The following NTRK1 variants were observed in gnomAD, a reference collection of about 807,000 sequenced individuals.
NTRK1 encodes the protein neurotrophic receptor tyrosine kinase 1, also known as high affinity nerve growth factor receptor.
NTRK1 carries 62 observed loss-of-function variants against 86.8 expected under a neutral mutation model. The observed-to-expected ratio is 0.71, with a 90% CI of 0.58 to 0.88. NTRK1 has a LOEUF of 0.88. Ranked by LOEUF, NTRK1 falls within the 40% of genes least tolerant of loss-of-function variation. The pLI, the probability that NTRK1 is intolerant of heterozygous loss-of-function variation, is 0.00. For synonymous variants in NTRK1, 469 were observed against 456.6 expected (o/e 1.03, Z -0.35); for missense variants, 967 against 1,078.4 (o/e 0.90, Z 1.45).
chr1:156,871,772 G>A lies in NTRK1; in HGVS notation c.850+17G>A, dbSNP rs1444246053. 1 of 1,613,966 alleles carries A rather than the reference G, an allele frequency of 6.2e-7. No homozygotes were observed. The highest frequency in any genetic ancestry group is 1.3e-5 in the African/African-American group (1 of 74,908). ...ACGTCTCCTGTGAGTCTCAGTGGCA[G>A]CTCCGGCACCCACCCCCTACTCATC... is the stretch of plus-strand genomic sequence containing the variant. On this transcript the variant is annotated intron_variant, in intron 7 of 16. Transcript: ENST00000524377.
chr1:156,842,335 G>A, intron 2 of NTRK1: 1 of 1,612,708 alleles, frequency 6.2e-7, no homozygotes, highest in Non-Finnish European at 8.5e-7. Context: ...TCCAGAACTG[G>A]CCCCCACCTC....
chr1:156,842,125 G>T (rs1654817130), exon 2 of NTRK1: 1 of 1,613,894 alleles, frequency 6.2e-7, no homozygotes, highest in African/African-American at 1.3e-5. Flanking sequence ...CGATCTTGAC[G>T]GTGAAGTCCT....
upstream of NTRK1, among the ~76,000 whole-genome samples, chr1:156,856,877 G>T (rs1655422926): frequency 6.6e-6 from 1 of 152,078 alleles, no homozygotes; most frequent in South Asian, 2.1e-4. Flanking sequence ...GGACTCTCTT[G>T]CTCCCAAGAG....
At chr1:156,862,501 G>C (rs942068888) in intron 1 of NTRK1, among the ~76,000 whole-genome samples, 1 of 152,136 alleles carries the variant, frequency 6.6e-6, no homozygotes, top group African/African-American at 2.4e-5. Context: ...GGAGTGGTAG[G>C]GGGAGTGGAC....
At chr1:156,851,507 GGGGCCCC>G in intron 2 of NTRK1, 1 of 1,604,512 alleles carries the variant, frequency 6.2e-7, no homozygotes. Flanking sequence ...GGGCTGAATG[GGGGCCCC>G]GGGAAGGTGG....
At chr1:156,861,365 G>T (rs1180444117) in intron 1 of NTRK1, among the ~76,000 whole-genome samples, 5 of 152,238 alleles carry the variant, frequency 3.3e-5, no homozygotes, top group Non-Finnish European at 1.5e-5. Flanking sequence ...GTTCAGGGCA[G>T]CTGGGCCGCC....
rs1272908877 is a variant in NTRK1, at chr1:156,866,962, C to T, written c.412C>T (p.Leu138Phe). ...ESLSWKTVQG[L>F]SLQELVLSGN... is the part of the protein sequence containing the mutation. ...TCTCTCCTGGAAAACTGTGCAGGGC[C>T]TCTCCTTACAGGAACTGTGAGTGGG... Residue 138 changes from leucine (L) to phenylalanine (F), a missense_variant, in exon 4 of 17, where the codon CTC becomes TTC. Physicochemically the swap from Leu to Phe is conservative, Grantham distance 22. Coordinates refer to ENST00000524377, the MANE Select transcript of NTRK1 (RefSeq NM_002529.4). 4 of 1,614,130 alleles carry T rather than the reference C, an allele frequency of 2.5e-6. No homozygotes were observed. The highest frequency in any genetic ancestry group is 3.3e-5 in the Admixed American group (2 of 60,012).
At chr1:156,880,719 G>A (rs531996943) in intron 16 of NTRK1, among the ~76,000 whole-genome samples, 2 of 152,200 alleles carry the variant, frequency 1.3e-5, no homozygotes, top group Non-Finnish European at 2.9e-5. Flanking sequence ...CTGGTGGGGT[G>A]GGGGAGAGGG....
At chr1:156,835,023 C>CTTGG (rs1333713967) in intron 1 of NTRK1, among the ~76,000 whole-genome samples, 1 of 152,116 alleles carries the variant, frequency 6.6e-6, no homozygotes, top group African/African-American at 2.4e-5. Flanking sequence ...GGAACCCAGA[C>CTTGG]TTGGGAGTTT....
intron 2 of NTRK1, among the ~76,000 whole-genome samples, chr1:156,843,663 A>T (rs1654883888): frequency 6.6e-6 from 1 of 152,198 alleles, no homozygotes; most frequent in Non-Finnish European, 1.5e-5. Flanking sequence ...TATTCCTGGG[A>T]TCTAACAGGG....
rs6335 is a variant in NTRK1 at position 156,876,495 on chromosome 1, C to A, written c.1728C>A (p.Phe576Leu). The A allele has an allele frequency of 6.2e-7, 1 of 1,613,746 alleles. No individual in the cohort carries two copies. ...MLQHQHIVRFFGVCTEGRPLL... is the reference protein window; with the variant it reads ...MLQHQHIVRFLGVCTEGRPLL... ...AGCACCAGCACATCGTGCGCTTCTT[C>A]GGCGTCTGCACCGAGGGCCGCCCCC... The change falls in exon 14 of 17, where the codon TTC becomes TTA. Residue 576 changes from phenylalanine to leucine, a missense_variant. Physicochemically the swap from Phe to Leu is conservative, Grantham distance 22 (BLOSUM62 0). This residue lies in a region of NTRK1 where 637 missense variants were observed against 776.5 expected (regional missense o/e 0.82). Coordinates refer to ENST00000524377, the MANE Select transcript of NTRK1 (RefSeq NM_002529.4).
chr1:156,854,458 C>T lies in NTRK1; in HGVS notation c.51-9896C>T, dbSNP rs140212669. ...GTGGGGTGGCCTCCTTCCTGGGCCC[C>T]GGAGGGCTCACCTGCAGCCTGCAGG... On this transcript the variant is annotated intron_variant, in intron 2 of 16. Transcript: ENST00000392302. This position sits in a 1 kb window ranked among gnomAD's most constrained non-coding sequence, Gnocchi z 4.2. 1.3e-4 allele frequency among the ~76,000 whole-genome samples: 20 copies of T among 152,266 alleles called. No individual in the cohort carries two copies. The East Asian group carries it at 2.9e-3, about 22-fold the overall frequency.
intron 14 of NTRK1, among the ~76,000 whole-genome samples, chr1:156,878,209 G>A (rs1648037737): frequency 6.6e-6 from 1 of 152,160 alleles, no homozygotes. Context: ...CCCTCTGCCT[G>A]GGGCATTGGG....
intron 2 of NTRK1, chr1:156,845,177 T>C (rs1348613805): frequency 1.9e-6 from 3 of 1,610,768 alleles, no homozygotes. Flanking sequence ...TTCCGTGAAG[T>C]GGCGCAGGCC....
At chr1:156,870,146 T>A (rs1647471366) in intron 6 of NTRK1, among the ~76,000 whole-genome samples, 1 of 152,252 alleles carries the variant, frequency 6.6e-6, no homozygotes, top group South Asian at 2.1e-4. Context: ...TACCCCTGCA[T>A]GGAGAGACCT....
At position 156,877,220 on chromosome 1, in the gene NTRK1, G is replaced by A. The variant is rs145096605; in HGVS notation, c.1805+648G>A. Among the ~76,000 whole-genome samples, 681 of 152,102 alleles carry A rather than the reference G, an allele frequency of 4.5e-3. 2 individuals are homozygous for A. Among genetic ancestry groups the A allele is most frequent in the Non-Finnish European group, 7.4e-3 (501 of 68,004 alleles). On this transcript the variant is annotated intron_variant, in intron 14 of 16. Coordinates refer to ENST00000524377, the MANE Select transcript of NTRK1 (RefSeq NM_002529.4). ...GTTCTTATTATGGTTCTATGTGCTG[G>A]TACATATATATCTTGTATAGTAATA...
chr1:156,861,297 C>T, intron 1 of NTRK1, 151 bp downstream of exon 1: 2 of 878,972 alleles, frequency 2.3e-6, no homozygotes, highest in Non-Finnish European at 3.2e-6. Context: ...CCGGGCGTTC[C>T]TCCGCAGCCG....
At chr1:156,849,626 T>G (rs1317294412) in intron 2 of NTRK1, among the ~76,000 whole-genome samples, 2 of 152,210 alleles carry the variant, frequency 1.3e-5, no homozygotes, top group Non-Finnish European at 2.9e-5. Context: ...ATACCCACTC[T>G]GTGCCACTGA....
chr1:156,864,761 G>C lies in NTRK1; in HGVS notation c.321G>C (p.Ala107=). ...TGAAGAGTGGTCTCCGTTTCGTGGC[G>C]CCAGATGCCTTCCATTTCACTCCTC... The part of the protein sequence containing the change: ...TIVKSGLRFV[A]PDAFHFTPRL... The change falls in exon 3 of 17, where the codon GCG becomes GCC. Residue 107 remains alanine (A), a synonymous_variant. Coordinates refer to ENST00000524377, the MANE Select transcript of NTRK1 (RefSeq NM_002529.4). 2 of 1,614,064 alleles carry C rather than the reference G, an allele frequency of 1.2e-6. No individual in the cohort carries two copies. The highest frequency in any genetic ancestry group is 1.7e-6 in the Non-Finnish European group (2 of 1,179,988).
Sources: allele counts gnomAD v4.1 joint callset (sites outside exome capture counted in the v4.1 genomes callset), GRCh38; gene constraint gnomAD v4.1.1; regional missense constraint gnomAD v4.1.1; non-coding constraint Gnocchi (gnomAD v3.1); transcripts MANE v1.5; gene names NCBI Gene and HGNC (gene_info 2026-07-23, HGNC 2026-07-21).